The following IFFO1 variants were observed in gnomAD, a reference collection of about 807,000 sequenced individuals.
The protein encoded by IFFO1 is intermediate filament family orphan 1.
In IFFO1, 42 loss-of-function variants were observed where a neutral mutation model predicts 59.6. The ratio of observed to expected loss-of-function variants is 0.70; its 90% CI spans 0.55 to 0.91. The LOEUF (loss-of-function observed/expected upper bound fraction) is 0.91, where lower values mean the gene tolerates loss of function less well. IFFO1 is among the 40% of genes least tolerant of loss of function. IFFO1 has a pLI of 0.00. For missense variants in IFFO1, 711 were observed against 793.2 expected (o/e 0.90, Z 1.24); for synonymous variants, 336 against 342.8 (o/e 0.98, Z 0.22).
chr12:6,547,702 C>T, intron 8 of IFFO1, among the ~76,000 whole-genome samples: 1 of 129,028 alleles, frequency 7.8e-6, no homozygotes, highest in East Asian at 2.2e-4. Flanking sequence ...GACAGAAAGA[C>T]AAGGGAGAGA....
Position 6,548,793 on chromosome 12 carries a change from G to A in IFFO1, c.1137C>T (p.Arg379=). The A allele has an allele frequency of 6.2e-7, 1 of 1,613,776 alleles. No individual in the cohort carries two copies. The highest frequency in any genetic ancestry group is 8.5e-7 in the Non-Finnish European group (1 of 1,179,940). The change falls in exon 6 of 10, where the codon CGC becomes CGT. Residue 379 remains arginine, a synonymous_variant. Transcript: ENST00000619571. The surrounding 1 kb of genome is among the most constrained non-coding windows in gnomAD (Gnocchi z 6.1). ...VPSMGGRKRE[R]KAAVEEDTSL... ...AGGTGTCCTCCTCGACGGCAGCCTT[G>A]CGCTCCCGCTTCCGCCCCCCCATGG... is the stretch of plus-strand genomic sequence containing the variant.
At chr12:6,540,709 G>A (rs1010145832) in intron 9 of IFFO1, 121 bp from the exon 10 acceptor site, 4 of 855,510 alleles carry the variant, frequency 4.7e-6, no homozygotes, top group African/African-American at 3.4e-5. Context: ...GCGAGGGCGG[G>A]GCCGCGGGAT....
chr12:6,550,172 C>T (rs1425480027), intron 3 of IFFO1: 4 of 422,740 alleles, frequency 9.5e-6, no homozygotes, highest in Admixed American at 3.7e-5. Context: ...AGGGGGCTCA[C>T]TGGAACGACT....
Position 6,540,228 on chromosome 12 carries a change from C to A in IFFO1, c.*255G>T, listed in dbSNP as rs1235174979. The A allele has an allele frequency of 3.6e-6, 2 of 559,286 alleles. No individual in the cohort carries two copies. The highest frequency in any genetic ancestry group is 3.8e-5 in the African/African-American group (2 of 52,304). 34.6% of individuals were successfully genotyped at this position (559,286 alleles called of 1,614,324 possible). A position where few individuals can be genotyped will look rare whatever the true frequency, so the allele number is the denominator to read the frequency against. On this transcript the variant is annotated 3_prime_UTR_variant, in exon 10 of 10. Transcript: ENST00000619571. ...TTTAAAGATGGGGAAGTAGCAGACA[C>A]CCACGCGTGAAGGCAGGAGAGCCCC...
chr12:6,542,306 C>T (rs1053312696), intron 8 of IFFO1, among the ~76,000 whole-genome samples: 40 of 152,284 alleles, frequency 2.6e-4, no homozygotes, highest in African/African-American at 9.1e-4. Flanking sequence ...GTGGAAAACA[C>T]GGGGCTCAGA....
At position 6,540,445 on chromosome 12, in the gene IFFO1, T is replaced by G; in HGVS notation, c.*38A>C. ...CCACCCTCTGCCTCGCTGAGCTCCC[T>G]GCTGCGAGGGCCTCGGGTGCAAGGG... On this transcript the variant is annotated 3_prime_UTR_variant, in exon 10 of 10. Coordinates refer to ENST00000619571, the MANE Select transcript of IFFO1 (RefSeq NM_001193457.2). The G allele has an allele frequency of 6.5e-7, 1 of 1,530,820 alleles. No homozygotes were observed. Among genetic ancestry groups the G allele is most frequent in the Admixed American group, 1.7e-5 (1 of 59,920 alleles). 94.8% of individuals were successfully genotyped at this position (1,530,820 alleles called of 1,614,324 possible).
Position 6,540,604 on chromosome 12 carries a change from A to C in IFFO1, c.1611-16T>G. ...AGGAGACTTTCTAGAAAAAAACACC[A>C]GTTGTCAACCTTGGGGCAGGCAGGA... On this transcript the variant is annotated splice_polypyrimidine_tract_variant and intron_variant, in intron 9 of 9. Transcript: ENST00000619571. The C allele has an allele frequency of 6.2e-7, 1 of 1,607,210 alleles. No individual in the cohort carries two copies. The highest frequency in any genetic ancestry group is 8.5e-7 in the Non-Finnish European group (1 of 1,174,566).
chr12:6,550,678 C>G lies in IFFO1; in HGVS notation c.930+17G>C. On this transcript the variant is annotated intron_variant, in intron 3 of 9. Coordinates refer to ENST00000619571, the MANE Select transcript of IFFO1 (RefSeq NM_001193457.2). The stretch of plus-strand genomic sequence containing the variant: ...AAGCCTCACTTCGACCCTCGGGAAG[C>G]CTGGGGCTGCACTCACGTTACTCAT... 6.2e-7 allele frequency: 1 copy of G among 1,608,314 alleles called. No individual in the cohort carries two copies. The highest frequency in any genetic ancestry group is 8.5e-7 in the Non-Finnish European group (1 of 1,174,986).
Position 6,549,974 on chromosome 12 carries a change from C to A in IFFO1, c.931-78G>T. The A allele has an allele frequency of 6.9e-7, 1 of 1,459,764 alleles. No homozygotes were observed. 90.4% of individuals were successfully genotyped at this position (1,459,764 alleles called of 1,614,324 possible). A position where few individuals can be genotyped will look rare whatever the true frequency, so the allele number is the denominator to read the frequency against. On this transcript the variant is annotated intron_variant, in intron 3 of 9. Coordinates refer to ENST00000619571, the MANE Select transcript of IFFO1 (RefSeq NM_001193457.2). This position sits in a 1 kb window ranked among gnomAD's most constrained non-coding sequence, Gnocchi z 5.0. Reference sequence around the variant, plus strand: ...GACGAATTAGGCCTGGCAAGGTCCTCATCCTTCCCACCACATTGCACCGGT... The same window carrying A: ...GACGAATTAGGCCTGGCAAGGTCCTAATCCTTCCCACCACATTGCACCGGT...
Position 6,548,873 on chromosome 12 carries a change from TGAG to T in IFFO1, c.1081-27_1081-25del, listed in dbSNP as rs747631221. ...GACTACAGAGACGAGGCCGGGTGCA[TGAG>T]GAGAAAGGGCGGGAGCGGGAGGCCG... On this transcript the variant is annotated intron_variant, in intron 5 of 9. Transcript: ENST00000619571. The surrounding 1 kb of genome is among the most constrained non-coding windows in gnomAD (Gnocchi z 6.1). 1.3e-6 allele frequency: 2 copies of T among 1,582,352 alleles called. No homozygotes were observed. The highest frequency in any genetic ancestry group is 1.7e-6 in the Non-Finnish European group (2 of 1,161,658).
rs761922900 is a variant in IFFO1, at chr12:6,555,270, C to T, written c.760G>A (p.Glu254Lys). The stretch of plus-strand genomic sequence containing the variant: ...CCCAATCCCTACCTCCGCTTGTACT[C>T]GTCCCGCTCCCGCTTCACTTTGGCC... ...VLAKVKRERD[E>K]YKRRWEEEYT... is the part of the protein sequence containing the mutation. Residue 254 changes from glutamate (E) to lysine (K), a missense_variant, in exon 1 of 10, where the codon GAG becomes AAG. By Grantham distance (56) the Glu-to-Lys change is moderately conservative (BLOSUM62 1). Transcript: ENST00000619571. The surrounding 1 kb of genome is among the most constrained non-coding windows in gnomAD (Gnocchi z 8.6). 1 of 1,614,154 alleles carries T rather than the reference C, an allele frequency of 6.2e-7. No homozygotes were observed. The highest frequency in any genetic ancestry group is 1.1e-5 in the South Asian group (1 of 91,086).
chr12:6,549,029 G>A lies in IFFO1; in HGVS notation c.1081-180C>T. 1.6e-6 allele frequency: 1 copy of A among 618,070 alleles called. No homozygotes were observed. The highest frequency in any genetic ancestry group is 1.8e-5 in the African/African-American group (1 of 54,216). The allele number at this position is 618,070 out of a possible 1,614,324, so 38.3% of individuals were successfully genotyped here. On this transcript the variant is annotated intron_variant, in intron 5 of 9. Coordinates refer to ENST00000619571, the MANE Select transcript of IFFO1 (RefSeq NM_001193457.2). The surrounding 1 kb of genome is among the most constrained non-coding windows in gnomAD (Gnocchi z 5.0). Reference sequence around the variant, plus strand: ...GTCACCAAGGGCCAGACACACAGCGGGGGTCAGGGCTGCAAACCGAGAAGG... The same window carrying A: ...GTCACCAAGGGCCAGACACACAGCGAGGGTCAGGGCTGCAAACCGAGAAGG...
chr12:6,555,864 G>A lies in IFFO1; in HGVS notation c.166C>T (p.Pro56Ser). The A allele has an allele frequency of 6.2e-7, 1 of 1,606,940 alleles. No individual in the cohort carries two copies. The change falls in exon 1 of 10, where the codon CCG (proline) becomes TCG (serine). Residue 56 changes from proline (P) to serine (S), a missense_variant. Around this residue, in one of 3 missense-constraint regions of IFFO1, gnomAD observed 114 missense variants for 102.4 expected, o/e 1.11. Transcript: ENST00000619571. This position sits in a 1 kb window ranked among gnomAD's most constrained non-coding sequence, Gnocchi z 8.6. ...ATGGCGGCAGGCGGGGCCGGGCCCG[G>A]CCCGGGCGGCGAGTAGGCAGCAGGG... ...AGPAAYSPPG[P>S]GPAPPAAMAL...
chr12:6,548,419 G>A lies in IFFO1; in HGVS notation c.1383+6C>T, dbSNP rs776989350. 6.2e-7 allele frequency: 1 copy of A among 1,607,280 alleles called. No homozygotes were observed. ...AGAGGGCCCTGAGGCCGGGAGCAGA[G>A]GTTACCTCTCCCTGGGCCTCTGCAG... On this transcript the variant is annotated splice_donor_region_variant and intron_variant, in intron 7 of 9. Coordinates refer to ENST00000619571, the MANE Select transcript of IFFO1 (RefSeq NM_001193457.2). The surrounding 1 kb of genome is among the most constrained non-coding windows in gnomAD (Gnocchi z 6.1).
In IFFO1 at chr12:6,548,485, G is replaced by A; in HGVS notation, c.1323C>T (p.Thr441=). The A allele has an allele frequency of 6.2e-7, 1 of 1,613,932 alleles. No individual in the cohort carries two copies. The highest frequency in any genetic ancestry group is 8.5e-7 in the Non-Finnish European group (1 of 1,179,886). Residue 441 remains threonine (T), a synonymous_variant, in exon 7 of 10, where the codon ACC becomes ACT. Transcript: ENST00000619571. The surrounding 1 kb of genome is among the most constrained non-coding windows in gnomAD (Gnocchi z 6.1). ...DSLTWEETEE[T]LLLWEDFSGY... is the part of the protein sequence containing the mutation. ...CTGAGAAATCCTCCCAAAGCAGCAGGGTCTCCTCAGTCTCCTCCCAAGTCA... is the reference window on the plus strand; with the variant it reads ...CTGAGAAATCCTCCCAAAGCAGCAGAGTCTCCTCAGTCTCCTCCCAAGTCA...
chr12:6,555,290 T>C lies in IFFO1; in HGVS notation c.740A>G (p.Lys247Arg), dbSNP rs546435991. The change falls in exon 1 of 10, where the codon AAA (lysine) becomes AGA (arginine). Residue 247 changes from lysine (K) to arginine (R), a missense_variant. Physicochemically the swap from Lys to Arg is conservative, Grantham distance 26. Coordinates refer to ENST00000619571, the MANE Select transcript of IFFO1 (RefSeq NM_001193457.2). The surrounding 1 kb of genome is among the most constrained non-coding windows in gnomAD (Gnocchi z 8.6). Reference protein sequence around the residue: ...EIRALYNVLAKVKRERDEYKR... With the variant: ...EIRALYNVLARVKRERDEYKR... ...GTACTCGTCCCGCTCCCGCTTCACT[T>C]TGGCCAGCACGTTGTAGAGAGCGCG... The C allele has an allele frequency of 6.2e-7, 1 of 1,614,128 alleles. No homozygotes were observed. Among genetic ancestry groups the C allele is most frequent in the South Asian group, 1.1e-5 (1 of 91,076 alleles).
chr12:6,552,581 C>T (rs7135726), intron 1 of IFFO1, among the ~76,000 whole-genome samples: 7,362 of 152,214 alleles, frequency 0.048, 577 homozygotes, highest in African/African-American at 0.17. Context: ...CCTCATGCGC[C>T]GGGAGCCCAC....
intron 8 of IFFO1, among the ~76,000 whole-genome samples, chr12:6,542,993 C>T: frequency 6.6e-6 from 1 of 152,178 alleles, no homozygotes; most frequent in East Asian, 1.9e-4. Context: ...ACAGCAGGAA[C>T]AAGGTCAGGA....
rs769690036 is a variant in IFFO1 at position 6,550,721 on chromosome 12, C to G, written c.904G>C (p.Val302Leu). Reference sequence around the variant, plus strand: ...TTACTCATGAGCCCCTTGAAGACCACCAGCTCAGCCTTCAACTGTTCCACC... The same window carrying G: ...TTACTCATGAGCCCCTTGAAGACCAGCAGCTCAGCCTTCAACTGTTCCACC... ...LKVEQLKAEL[V>L]VFKGLMSNNL... The change falls in exon 3 of 10, where the codon GTG becomes CTG. Residue 302 changes from valine (V) to leucine (L), a missense_variant. Val to Leu is a conservative substitution (Grantham distance 32). Around this residue, in one of 3 missense-constraint regions of IFFO1, gnomAD observed 579 missense variants for 650.3 expected, o/e 0.89. Coordinates refer to ENST00000619571, the MANE Select transcript of IFFO1 (RefSeq NM_001193457.2). 6.2e-7 allele frequency: 1 copy of G among 1,614,154 alleles called. No homozygotes were observed. The highest frequency in any genetic ancestry group is 1.1e-5 in the South Asian group (1 of 91,084).
Sources: allele counts gnomAD v4.1 joint callset (sites outside exome capture counted in the v4.1 genomes callset), GRCh38; gene constraint gnomAD v4.1.1; regional missense constraint gnomAD v4.1.1; non-coding constraint Gnocchi (gnomAD v3.1); transcripts MANE v1.5; gene names NCBI Gene and HGNC (gene_info 2026-07-23, HGNC 2026-07-21).